The following STARD13 variants were observed in gnomAD, a reference collection of about 807,000 sequenced individuals.
STARD13 encodes StAR related lipid transfer domain containing 13.
A neutral mutation model predicts 106.4 loss-of-function variants in STARD13; 62 were observed. That is an observed-to-expected ratio of 0.58 (90% CI 0.48 to 0.72). STARD13 has a LOEUF of 0.72. Ranked by LOEUF, STARD13 falls within the 30% of genes least tolerant of loss-of-function variation. STARD13 has a pLI of 0.00. For synonymous variants in STARD13, 565 were observed against 553.0 expected, an observed-to-expected ratio of 1.02 and a Z score of -0.31; for missense variants, 1,387 against 1,424.0, an observed-to-expected ratio of 0.97 and a Z score of 0.42.
the STARD13 span, among the ~76,000 whole-genome samples, chr13:33,556,726 T>C: frequency 6.6e-6 from 1 of 152,154 alleles, no homozygotes; most frequent in Non-Finnish European, 1.5e-5. Context: ...ATTAAAGACT[T>C]AGGGAGGGCC....
chr13:33,187,135 A>G (rs1006957634), intron 1 of STARD13, among the ~76,000 whole-genome samples: 1 of 152,160 alleles, frequency 6.6e-6, no homozygotes, highest in African/African-American at 2.4e-5. Flanking sequence ...CCTGTCCTCT[A>G]ACCTTGTGGC....
chr13:33,155,121 C>T (rs1305394905), intron 3 of STARD13, among the ~76,000 whole-genome samples: 1 of 152,146 alleles, frequency 6.6e-6, no homozygotes, highest in Non-Finnish European at 1.5e-5. Flanking sequence ...TTCACATCTC[C>T]ATCCCCAGCT....
the STARD13 span, among the ~76,000 whole-genome samples, chr13:33,539,108 A>G: frequency 6.6e-6 from 1 of 152,228 alleles, no homozygotes; most frequent in South Asian, 2.1e-4. Context: ...TCTATGCATA[A>G]GAAAATTCTA....
chr13:33,661,757 C>T, the STARD13 span, among the ~76,000 whole-genome samples: 296 of 152,208 alleles, frequency 1.9e-3, 3 homozygotes, highest in Middle Eastern at 6.8e-3. Flanking sequence ...CTGCCCTTAA[C>T]ACATGGGGAT....
chr13:33,537,859 A>C, the STARD13 span, among the ~76,000 whole-genome samples: 1 of 152,164 alleles, frequency 6.6e-6, no homozygotes, highest in Non-Finnish European at 1.5e-5. Flanking sequence ...CTGATCTCTC[A>C]GCAAAAGGAA....
At chr13:33,305,623 T>C (rs1289304424) in intron 1 of STARD13, among the ~76,000 whole-genome samples, 1 of 152,094 alleles carries the variant, frequency 6.6e-6, no homozygotes, top group Non-Finnish European at 1.5e-5. Flanking sequence ...AAGCACAGGG[T>C]TCTATGGAAA....
At chr13:33,560,936 A>G in the STARD13 span, among the ~76,000 whole-genome samples, 1 of 151,466 alleles carries the variant, frequency 6.6e-6, no homozygotes, top group Non-Finnish European at 1.5e-5. Context: ...GCCAACTTAC[A>G]TTCTTTGGAC....
chr13:33,658,528 G>A, the STARD13 span, among the ~76,000 whole-genome samples: 309 of 152,266 alleles, frequency 2.0e-3, 1 homozygote, highest in African/African-American at 7.2e-3. Context: ...TAAATCACTT[G>A]TCAATTTAGG....
At chr13:33,585,693 C>G in the STARD13 span, among the ~76,000 whole-genome samples, 2 of 151,910 alleles carry the variant, frequency 1.3e-5, no homozygotes, top group Non-Finnish European at 2.9e-5. Flanking sequence ...GACTCTGTCT[C>G]AAAGATAAAA....
At chr13:33,303,221 T>C (rs961123546) in intron 1 of STARD13, among the ~76,000 whole-genome samples, 3 of 152,210 alleles carry the variant, frequency 2.0e-5, no homozygotes, top group African/African-American at 7.2e-5. Flanking sequence ...CACTCTGTGT[T>C]GCTTTTTTGT....
chr13:33,552,081 T>C, the STARD13 span, among the ~76,000 whole-genome samples: 2 of 151,030 alleles, frequency 1.3e-5, no homozygotes, highest in Non-Finnish European at 1.5e-5. Context: ...GATAAGGGGG[T>C]TAATTCAACA....
chr13:33,428,015 A>G, the STARD13 span, among the ~76,000 whole-genome samples: 1 of 152,144 alleles, frequency 6.6e-6, no homozygotes, highest in Non-Finnish European at 1.5e-5. Flanking sequence ...GAACTCGGAC[A>G]TAAATCCATA....
chr13:33,331,858 CAG>C (rs10570821), intron 1 of STARD13, among the ~76,000 whole-genome samples: 28,136 of 151,918 alleles, frequency 0.19, 2,924 homozygotes, highest in Non-Finnish European at 0.22. Flanking sequence ...AACCAAGGGC[CAG>C]AGGTTATTTG....
At chr13:33,584,946 C>T in the STARD13 span, among the ~76,000 whole-genome samples, 1 of 152,120 alleles carries the variant, frequency 6.6e-6, no homozygotes, top group Non-Finnish European at 1.5e-5. Context: ...TTTCCTGAGG[C>T]CTCCCCAGAA....
rs182744239 is a variant in STARD13, at chr13:33,170,292, A to G, written c.170-2670T>C. Among the ~76,000 whole-genome samples the G allele has an allele frequency of 7.9e-5, 12 of 152,270 alleles. No individual in the cohort carries two copies. In the East Asian group the frequency reaches 2.3e-3, roughly 29 times the overall value. On this transcript the variant is annotated intron_variant, in intron 1 of 13. Transcript: ENST00000336934. ...CCATAAATATATACATACGCTTACT[A>G]TGTCCCCACAAAAATGAAAAATTTA... is the stretch of plus-strand genomic sequence containing the variant.
At chr13:33,170,978 C>T (rs1372753508) in intron 1 of STARD13, among the ~76,000 whole-genome samples, 1 of 152,130 alleles carries the variant, frequency 6.6e-6, no homozygotes, top group Admixed American at 6.5e-5. Flanking sequence ...AATACTAATG[C>T]TTTTCCCCAG....
At chr13:33,529,194 T>C in the STARD13 span, among the ~76,000 whole-genome samples, 3,332 of 152,248 alleles carry the variant, frequency 0.022, 109 homozygotes, top group African/African-American at 0.074. Flanking sequence ...AGACGAAAGT[T>C]AGTGCCCTGT....
chr13:33,480,912 G>A, the STARD13 span, among the ~76,000 whole-genome samples: 1 of 152,070 alleles, frequency 6.6e-6, no homozygotes, highest in Non-Finnish European at 1.5e-5. Context: ...AATAATTACT[G>A]GGGTCATGTA....
chr13:33,536,799 C>G, the STARD13 span, among the ~76,000 whole-genome samples: 2 of 152,174 alleles, frequency 1.3e-5, no homozygotes, highest in Admixed American at 1.3e-4. Flanking sequence ...CTGATAACAG[C>G]CTATACTCCA....
Sources: allele counts gnomAD v4.1 joint callset (sites outside exome capture counted in the v4.1 genomes callset), GRCh38; gene constraint gnomAD v4.1.1; transcripts MANE v1.5; gene names NCBI Gene and HGNC (gene_info 2026-07-23, HGNC 2026-07-21).